Variants in GALNT11 observed in about 807,000 individuals in gnomAD.
GALNT11 encodes the protein polypeptide N-acetylgalactosaminyltransferase 11.
GALNT11 carries 47 observed loss-of-function variants against 72.7 expected under a neutral mutation model. That is an observed-to-expected ratio of 0.65 (90% CI 0.51 to 0.82). GALNT11 has a LOEUF of 0.82. Among genes scored for constraint, GALNT11 ranks in the 40% least tolerant of loss-of-function variants. The pLI, the probability that GALNT11 is intolerant of heterozygous loss-of-function variation, is 0.00. For missense variants in GALNT11, 677 were observed against 778.4 expected (o/e 0.87, Z 1.55); for synonymous variants, 270 against 286.6 (o/e 0.94, Z 0.58).
At chr7:152,096,714 C>CA (rs768326363) in intron 2 of GALNT11, among the ~76,000 whole-genome samples, 607 of 59,708 alleles carry the variant, frequency 0.01, 3 homozygotes, top group East Asian at 0.021. Flanking sequence ...GACTCTGTCT[C>CA]AAAAAAAAAA....
At chr7:152,106,431 G>T (rs993816000) in intron 5 of GALNT11, among the ~76,000 whole-genome samples, 1 of 152,108 alleles carries the variant, frequency 6.6e-6, no homozygotes, top group Non-Finnish European at 1.5e-5. Flanking sequence ...GAAGCCCACA[G>T]TGACCTGAAG....
At chr7:152,090,946 G>A (rs997899297) in intron 1 of GALNT11, among the ~76,000 whole-genome samples, 2 of 152,166 alleles carry the variant, frequency 1.3e-5, no homozygotes, top group Non-Finnish European at 2.9e-5. Context: ...AGGGAAGTGG[G>A]GAGGGCTGAG....
chr7:152,059,777 G>T (rs760428680), intron 1 of GALNT11, among the ~76,000 whole-genome samples: 1 of 152,164 alleles, frequency 6.6e-6, no homozygotes, highest in Non-Finnish European at 1.5e-5. Flanking sequence ...AGGCTTTGTT[G>T]TTCCATTTCT....
At chr7:152,113,684 TATTGTGACGCCTGCAAAAGTTGGCTTTC>T (rs1186105284) in intron 8 of GALNT11, among the ~76,000 whole-genome samples, 7 of 147,602 alleles carry the variant, frequency 4.7e-5, no homozygotes, top group African/African-American at 1.5e-4. Flanking sequence ...CTGGTCTCTC[TATTGTGACGCCTGCAAAAGTTGGCTTTC>T]TTTTTTTTTT....
chr7:152,087,770 T>C (rs1472499436), intron 1 of GALNT11, among the ~76,000 whole-genome samples: 2 of 152,222 alleles, frequency 1.3e-5, no homozygotes, highest in African/African-American at 4.8e-5. Context: ...GGGTGGTGTT[T>C]TGTGTGTCAG....
At chr7:152,096,428 A>G (rs539879769) in intron 2 of GALNT11, among the ~76,000 whole-genome samples, 2 of 152,302 alleles carry the variant, frequency 1.3e-5, no homozygotes, top group Admixed American at 6.5e-5. Context: ...CAAGAATGTG[A>G]AAAAAGGGCT....
chr7:152,101,093 G>C (rs1305990720), intron 3 of GALNT11, among the ~76,000 whole-genome samples, 172 bp downstream of exon 3: 2 of 152,210 alleles, frequency 1.3e-5, no homozygotes, highest in Non-Finnish European at 2.9e-5. Context: ...CACATGGTCT[G>C]AGATGTACCA....
At chr7:152,086,044 TG>T (rs979491737) in intron 1 of GALNT11, among the ~76,000 whole-genome samples, 1 of 152,054 alleles carries the variant, frequency 6.6e-6, no homozygotes, top group African/African-American at 2.4e-5. Flanking sequence ...CGTGCCACCA[TG>T]CCCAGCTAAT....
At chr7:152,120,505 G>A (rs148973762) in intron 10 of GALNT11, 2 of 224,208 alleles carry the variant, frequency 8.9e-6, no homozygotes, top group South Asian at 6.1e-5. Context: ...AGAGGCTGTC[G>A]GGCTCCTCTG....
chr7:152,106,763 G>C (rs973169025), intron 5 of GALNT11, among the ~76,000 whole-genome samples: 1 of 152,126 alleles, frequency 6.6e-6, no homozygotes, highest in Non-Finnish European at 1.5e-5. Context: ...GGATCTGTCC[G>C]AAGCAAGCCA....
intron 6 of GALNT11, among the ~76,000 whole-genome samples, chr7:152,109,405 TTAAGA>T (rs1250442277): frequency 6.6e-6 from 1 of 152,258 alleles, no homozygotes; most frequent in Non-Finnish European, 1.5e-5. Flanking sequence ...TTTGCTTCCC[TTAAGA>T]TAATCTCTTT....
At chr7:152,051,949 G>T (rs2083427543) in intron 1 of GALNT11, among the ~76,000 whole-genome samples, 1 of 152,022 alleles carries the variant, frequency 6.6e-6, no homozygotes. Flanking sequence ...TAATTGAGTG[G>T]CATTAAGTCC....
chr7:152,113,273 A>T lies in GALNT11; in HGVS notation c.1108A>T (p.Ile370Phe). ...CTGGATGTGTGGCGGTAAGCTCTTCATCATCCCTTGCTCTAGAGTAGGACA... is the reference window on the plus strand; with the variant it reads ...CTGGATGTGTGGCGGTAAGCTCTTCTTCATCCCTTGCTCTAGAGTAGGACA... ...RIWMCGGKLF[I>F]IPCSRVGHIF... The change falls in exon 8 of 12, where the codon ATC (isoleucine) becomes TTC (phenylalanine). Residue 370 changes from isoleucine to phenylalanine, a missense_variant. Coordinates refer to ENST00000430044, the MANE Select transcript of GALNT11 (RefSeq NM_022087.4). 6.2e-7 allele frequency: 1 copy of T among 1,613,648 alleles called. No homozygotes were observed. Among genetic ancestry groups the T allele is most frequent in the Non-Finnish European group, 8.5e-7 (1 of 1,179,794 alleles).
chr7:152,030,131 G>A (rs2082237442), intron 1 of GALNT11, among the ~76,000 whole-genome samples: 1 of 152,198 alleles, frequency 6.6e-6, no homozygotes, highest in Non-Finnish European at 1.5e-5. Context: ...ACAAGACAGA[G>A]ATAAAAGAAA....
At chr7:152,059,268 T>C (rs2083868627) in intron 1 of GALNT11, among the ~76,000 whole-genome samples, 1 of 151,962 alleles carries the variant, frequency 6.6e-6, no homozygotes, top group Admixed American at 6.6e-5. Context: ...ACTTTTTTTT[T>C]TGTATTTTTT....
At chr7:152,078,257 G>A (rs6464199) in intron 1 of GALNT11, among the ~76,000 whole-genome samples, 4 of 151,974 alleles carry the variant, frequency 2.6e-5, no homozygotes, top group Admixed American at 2.6e-4. Flanking sequence ...CTCTTGTTGC[G>A]CAGGCTGGAG....
intron 1 of GALNT11, among the ~76,000 whole-genome samples, chr7:152,047,709 T>C (rs114848658): frequency 0.016 from 2,351 of 151,302 alleles, 30 homozygotes; most frequent in African/African-American, 0.031. Flanking sequence ...TGTGTGTGTG[T>C]GCGCACACAC....
chr7:152,041,785 TC>T (rs2082873251), intron 1 of GALNT11, among the ~76,000 whole-genome samples: 1 of 152,256 alleles, frequency 6.6e-6, no homozygotes, highest in South Asian at 2.1e-4. Context: ...CCAATTAATG[TC>T]CCCTAGTAAT....
At position 152,094,159 on chromosome 7, in the gene GALNT11, A is replaced by T; in HGVS notation, c.-38-31A>T. 1.3e-6 allele frequency: 2 copies of T among 1,495,308 alleles called. No individual in the cohort carries two copies. The highest frequency in any genetic ancestry group is 4.5e-5 in the East Asian group (2 of 44,052). The allele number at this position is 1,495,308 out of a possible 1,614,324, so 92.6% of individuals were successfully genotyped here. A position where few individuals can be genotyped will look rare whatever the true frequency, so the allele number is the denominator to read the frequency against. On this transcript the variant is annotated intron_variant, in intron 1 of 11. Transcript: ENST00000430044. The surrounding 1 kb of genome is among the most constrained non-coding windows in gnomAD (Gnocchi z 4.3). ...TGGTGGATGGTTTAAAGTATACTGA[A>T]GTGTCTAACATATTTATTCTTCTTT...
Sources: gnomAD v4.1 joint callset for allele counts (sites outside exome capture counted in the v4.1 genomes callset) on GRCh38, gnomAD v4.1.1 for gene constraint, Gnocchi (gnomAD v3.1) non-coding constraint, MANE v1.5 for transcripts, NCBI Gene and HGNC (gene_info 2026-07-23, HGNC 2026-07-21) for gene names.